The following NGF variants were observed in gnomAD, a reference collection of about 807,000 sequenced individuals.
NGF encodes beta-nerve growth factor.
Under a neutral mutation model 12.8 loss-of-function variants are expected in NGF, and 4 were observed. The observed-to-expected ratio is 0.31, with a 90% CI of 0.15 to 0.72. The LOEUF is 0.72. Among genes scored for constraint, NGF ranks in the 30% least tolerant of loss-of-function variants. NGF has a pLI of 0.69. For synonymous variants in NGF, 140 were observed against 130.0 expected (o/e 1.08, Z -0.52); for missense variants, 283 against 330.8 (o/e 0.86, Z 1.12).
At chr1:115,307,339 G>A (rs1654228736) in intron 1 of NGF, among the ~76,000 whole-genome samples, 1 of 152,162 alleles carries the variant, frequency 6.6e-6, no homozygotes, top group African/African-American at 2.4e-5. Flanking sequence ...GGGGAGTGGA[G>A]AAAGCAACGG....
chr1:115,326,516 C>A (rs1240808671), intron 1 of NGF, among the ~76,000 whole-genome samples: 1 of 152,154 alleles, frequency 6.6e-6, no homozygotes, highest in Admixed American at 6.5e-5. Flanking sequence ...TTAAGCACGA[C>A]TCCTGGGACT....
chr1:115,305,467 G>A (rs548991908), intron 1 of NGF, among the ~76,000 whole-genome samples: 1 of 152,292 alleles, frequency 6.6e-6, no homozygotes, highest in East Asian at 1.9e-4. Context: ...CACCCTCTGG[G>A]TTTTGTTCTG....
At chr1:115,303,340 G>C (rs1228772364) in intron 1 of NGF, among the ~76,000 whole-genome samples, 1 of 152,096 alleles carries the variant, frequency 6.6e-6, no homozygotes, top group Non-Finnish European at 1.5e-5. Flanking sequence ...ATAGAATTTA[G>C]ATCCATAGAG....
intron 1 of NGF, among the ~76,000 whole-genome samples, chr1:115,322,730 T>C (rs1184266950): frequency 6.6e-6 from 1 of 152,184 alleles, no homozygotes; most frequent in Non-Finnish European, 1.5e-5. Flanking sequence ...AGCAACATTT[T>C]TATTACCCCC....
chr1:115,322,756 T>C (rs1654666354), intron 1 of NGF, among the ~76,000 whole-genome samples: 1 of 152,176 alleles, frequency 6.6e-6, no homozygotes, highest in Admixed American at 6.5e-5. Context: ...GCAGCTGGCT[T>C]AATGGGGCTT....
intron 1 of NGF, among the ~76,000 whole-genome samples, chr1:115,301,574 T>A (rs1345849080): frequency 6.6e-6 from 1 of 152,142 alleles, no homozygotes; most frequent in East Asian, 1.9e-4. Flanking sequence ...CATCTGGCCC[T>A]CTCTGGCAGG....
intron 1 of NGF, among the ~76,000 whole-genome samples, chr1:115,321,576 ATGTGTGTGTGTGTGTGTGTG>A (rs59590858): frequency 0.082 from 10,977 of 133,244 alleles, 1,399 homozygotes; most frequent in African/African-American, 0.27. Context: ...TGTGTATGGG[ATGTGTGTGTGTGTGTGTGTG>A]TGTGTGTGTG....
At chr1:115,304,003 T>C (rs1217487637) in intron 1 of NGF, among the ~76,000 whole-genome samples, 1 of 152,200 alleles carries the variant, frequency 6.6e-6, no homozygotes, top group African/African-American at 2.4e-5. Flanking sequence ...GTTTTTTTCC[T>C]TTCTTTCTCC....
chr1:115,336,425 A>G (rs1163632532), intron 1 of NGF, among the ~76,000 whole-genome samples: 1 of 151,352 alleles, frequency 6.6e-6, no homozygotes, highest in African/African-American at 2.4e-5. Context: ...TGTGGCATTA[A>G]CCCTATCCCC....
intron 1 of NGF, among the ~76,000 whole-genome samples, chr1:115,309,171 C>A (rs547042725): frequency 6.6e-6 from 1 of 152,252 alleles, no homozygotes; most frequent in East Asian, 1.9e-4. Context: ...CTTTGTTATG[C>A]TGGTTAGAAT....
chr1:115,333,702 TTTCTTTCTTTCTTTTC>T (rs1655009408), intron 1 of NGF, among the ~76,000 whole-genome samples: 1 of 62,742 alleles, frequency 1.6e-5, no homozygotes, highest in East Asian at 4.8e-4. Context: ...TCTTTCTTTC[TTTCTTTCTTTCTTTTC>T]TTTCTTTCCT....
intron 2 of NGF, among the ~76,000 whole-genome samples, chr1:115,291,658 A>G (rs1653702816): frequency 6.6e-6 from 1 of 152,204 alleles, no homozygotes; most frequent in Admixed American, 6.5e-5. Flanking sequence ...CTTCTGAACC[A>G]GCGATACATT....
intron 1 of NGF, among the ~76,000 whole-genome samples, chr1:115,307,942 G>A (rs1376951204): frequency 1.3e-5 from 2 of 152,212 alleles, no homozygotes; most frequent in African/African-American, 4.8e-5. Flanking sequence ...CAGAGAAAAT[G>A]CCTTGGAAAA....
intron 1 of NGF, among the ~76,000 whole-genome samples, chr1:115,307,667 C>T (rs2101038269): frequency 6.6e-6 from 1 of 152,370 alleles, no homozygotes; most frequent in African/African-American, 2.4e-5. Context: ...GGTAGTCCTA[C>T]AAGATTATTC....
rs188243815 is a variant in NGF, at chr1:115,320,612, T to C, written c.-137+17592A>G. On this transcript the variant is annotated intron_variant, in intron 1 of 2. Coordinates refer to ENST00000369512, the MANE Select transcript of NGF (RefSeq NM_002506.3). ...GCAGAAAAAGTGGGATGGCGCAATA[T>C]ATCATCACACTATTCAGAATGGCGC... Among the ~76,000 whole-genome samples, 27 of 152,310 alleles carry C rather than the reference T, an allele frequency of 1.8e-4. No individual in the cohort carries two copies. In the East Asian group the frequency reaches 5.0e-3, roughly 28 times the overall value.
At chr1:115,298,782 T>C (rs1653949936) in intron 1 of NGF, among the ~76,000 whole-genome samples, 2 of 151,492 alleles carry the variant, frequency 1.3e-5, no homozygotes, top group Admixed American at 1.3e-4. Context: ...GATCACTACA[T>C]TGAAGATGCC....
intron 1 of NGF, among the ~76,000 whole-genome samples, chr1:115,336,025 A>G (rs1655100946): frequency 6.6e-6 from 1 of 152,098 alleles, no homozygotes; most frequent in Admixed American, 6.5e-5. Context: ...CTTCTTGTCC[A>G]AGGCACAGAT....
chr1:115,286,861 A>C, intron 2 of NGF, 54 bp from the exon 3 acceptor site: 1 of 1,609,172 alleles, frequency 6.2e-7, no homozygotes, highest in Non-Finnish European at 8.5e-7. Context: ...TGCAGTCAAA[A>C]GGCAGTTTCT....
At chr1:115,297,199 C>T (rs1183505413) in intron 1 of NGF, among the ~76,000 whole-genome samples, 1 of 152,174 alleles carries the variant, frequency 6.6e-6, no homozygotes, top group African/African-American at 2.4e-5. Flanking sequence ...TGAAACACAA[C>T]AATCTGCGGT....
Sources: gnomAD v4.1 joint callset for allele counts (sites outside exome capture counted in the v4.1 genomes callset) on GRCh38, gnomAD v4.1.1 for gene constraint, MANE v1.5 for transcripts, NCBI Gene and HGNC (gene_info 2026-07-23, HGNC 2026-07-21) for gene names.